The following ART3 variants were observed in gnomAD, a reference collection of about 807,000 sequenced individuals.
ART3 encodes the protein ADP-ribosyltransferase 3 (inactive), also known as ecto-ADP-ribosyltransferase 3.
In ART3, 49 loss-of-function variants were observed where a neutral mutation model predicts 48.5. The ratio of observed to expected loss-of-function variants is 1.01; its 90% CI spans 0.80 to 1.28. The LOEUF is 1.28. Ranked by LOEUF, ART3 falls within the 50% of genes most tolerant of loss-of-function variation. The pLI, the probability that ART3 is intolerant of heterozygous loss-of-function variation, is 0.00. For synonymous variants in ART3, 145 were observed against 157.2 expected, an observed-to-expected ratio of 0.92 and a Z score of 0.58; for missense variants, 438 against 454.3, an observed-to-expected ratio of 0.96 and a Z score of 0.33.
chr4:76,056,228 G>A (rs1718669002), intron 1 of ART3, among the ~76,000 whole-genome samples: 1 of 152,104 alleles, frequency 6.6e-6, no homozygotes, highest in African/African-American at 2.4e-5. Context: ...CTCATTCTAG[G>A]TCCCTTTCCT....
At chr4:76,087,574 A>G (rs139506344) in intron 3 of ART3, among the ~76,000 whole-genome samples, 3 of 152,154 alleles carry the variant, frequency 2.0e-5, no homozygotes, top group Non-Finnish European at 4.4e-5. Flanking sequence ...GGTAAAAAAA[A>G]TTTTTACTGC....
chr4:76,084,274 G>A (rs1267433864), intron 3 of ART3, among the ~76,000 whole-genome samples: 1 of 151,990 alleles, frequency 6.6e-6, no homozygotes, highest in African/African-American at 2.4e-5. Context: ...ACTCTTTCTT[G>A]GATTACTACT....
intron 1 of ART3, among the ~76,000 whole-genome samples, chr4:76,061,556 A>C (rs1466350668): frequency 1.3e-5 from 2 of 152,130 alleles, no homozygotes; most frequent in East Asian, 3.9e-4. Flanking sequence ...CCTCTACTTC[A>C]TGGTTTCCCA....
At chr4:76,057,365 G>A (rs1718792827) in intron 1 of ART3, among the ~76,000 whole-genome samples, 3 of 152,122 alleles carry the variant, frequency 2.0e-5, no homozygotes, top group African/African-American at 7.2e-5. Context: ...ATATTCCAAT[G>A]TTCCAATTGG....
At chr4:76,051,883 T>A (rs1166539665) in intron 1 of ART3, among the ~76,000 whole-genome samples, 2 of 141,100 alleles carry the variant, frequency 1.4e-5, no homozygotes, top group Non-Finnish European at 3.0e-5. Context: ...GTTTATGTTG[T>A]ATCTCTCTCT....
upstream of ART3, among the ~76,000 whole-genome samples, chr4:76,070,312 T>C (rs1342223223): frequency 1.3e-5 from 2 of 152,234 alleles, no homozygotes; most frequent in Non-Finnish European, 2.9e-5. Flanking sequence ...CCATCAGTAA[T>C]GTATGAAAGT....
rs1341160271 is a variant in ART3 at position 76,077,514 on chromosome 4, C to A, written c.69+1556C>A. ...TTATGTGAACATGTGTTTTATTTTTCTTTTTAAAAAATTTTCTAATCATAT... is the reference window on the plus strand; with the variant it reads ...TTATGTGAACATGTGTTTTATTTTTATTTTTAAAAAATTTTCTAATCATAT... On this transcript the variant is annotated intron_variant, in intron 2 of 11. Coordinates refer to ENST00000355810, the MANE Select transcript of ART3 (RefSeq NM_001130016.3). Among the ~76,000 whole-genome samples the A allele has an allele frequency of 2.0e-5, 3 of 151,974 alleles. No individual in the cohort carries two copies. The East Asian group carries it at 5.8e-4, about 29-fold the overall frequency.
At chr4:76,051,398 T>A (rs1201162339) in intron 1 of ART3, among the ~76,000 whole-genome samples, 1 of 152,192 alleles carries the variant, frequency 6.6e-6, no homozygotes, top group African/African-American at 2.4e-5. Flanking sequence ...GCAGGCTATA[T>A]TCAAGGTAGC....
chr4:76,062,624 G>C (rs1321509677), intron 1 of ART3, among the ~76,000 whole-genome samples: 4 of 142,460 alleles, frequency 2.8e-5, no homozygotes, highest in African/African-American at 7.9e-5. Context: ...GCAGTGGTGG[G>C]ATCTCGGCTC....
intron 2 of ART3, among the ~76,000 whole-genome samples, chr4:76,076,606 AT>A (rs1721138548): frequency 6.6e-6 from 1 of 152,082 alleles, no homozygotes; most frequent in African/African-American, 2.4e-5. Context: ...TGTACATAGA[AT>A]TTTTTCTTTG....
chr4:76,067,327 C>T (rs577550066), intron 1 of ART3, among the ~76,000 whole-genome samples: 18 of 152,248 alleles, frequency 1.2e-4, no homozygotes, highest in South Asian at 4.1e-4. Flanking sequence ...AGAAGATGCC[C>T]GCCAAGGGCA....
At chr4:76,046,929 G>A (rs1199476259) in intron 1 of ART3, among the ~76,000 whole-genome samples, 1 of 151,398 alleles carries the variant, frequency 6.6e-6, no homozygotes, top group East Asian at 2.0e-4. Flanking sequence ...CCAGTGTCCA[G>A]GAGGAAGGCA....
intron 3 of ART3, among the ~76,000 whole-genome samples, chr4:76,084,745 C>T (rs148678706): frequency 1.3e-5 from 2 of 152,288 alleles, no homozygotes; most frequent in African/African-American, 2.4e-5. Flanking sequence ...GACCTTACAG[C>T]ATTGCCTGTG....
intron 1 of ART3, chr4:76,034,356 A>C: frequency 2.4e-6 from 1 of 421,986 alleles, no homozygotes; most frequent in Non-Finnish European, 4.1e-6. Flanking sequence ...AAAGATCAAT[A>C]CAGACAGATG....
intron 1 of ART3, chr4:76,023,603 G>C (rs1186678075): frequency 7.4e-6 from 4 of 538,870 alleles, no homozygotes; most frequent in Non-Finnish European, 1.3e-5. Context: ...CCTGCTGGCT[G>C]TTCCTGGGGA....
chr4:76,062,362 T>G lies in ART3; in HGVS notation c.-9-13519T>G, dbSNP rs569818278. 2.1e-3 allele frequency among the ~76,000 whole-genome samples: 321 copies of G among 152,312 alleles called. 4 individuals are homozygous for G. The highest frequency in any genetic ancestry group is 3.0e-3 in the Non-Finnish European group (207 of 68,024). On this transcript the variant is annotated intron_variant, in intron 1 of 9. Transcript: ENST00000341029. ...GGGAAAAAAGTTAATAACTATTTTT[T>G]TAGGTTTATTATGAGAACTATACAG...
chr4:76,031,245 T>C (rs1733846810), intron 1 of ART3, among the ~76,000 whole-genome samples: 1 of 152,212 alleles, frequency 6.6e-6, no homozygotes, highest in Non-Finnish European at 1.5e-5. Context: ...TTCCATGGCA[T>C]GTATTACCGA....
At chr4:76,032,581 C>CTT (rs10547155) in intron 1 of ART3, among the ~76,000 whole-genome samples, 13 of 114,578 alleles carry the variant, frequency 1.1e-4, no homozygotes, top group Non-Finnish European at 1.6e-4. Flanking sequence ...AGATTCAAGT[C>CTT]TTTTTTTTTT....
chr4:76,051,884 A>ATC (rs67944546), intron 1 of ART3, among the ~76,000 whole-genome samples: 2 of 126,880 alleles, frequency 1.6e-5, no homozygotes, highest in South Asian at 2.5e-4. Flanking sequence ...TTTATGTTGT[A>ATC]TCTCTCTCTC....
Sources: allele counts gnomAD v4.1 joint callset (sites outside exome capture counted in the v4.1 genomes callset), GRCh38; gene constraint gnomAD v4.1.1; transcripts MANE v1.5; gene names NCBI Gene and HGNC (gene_info 2026-07-23, HGNC 2026-07-21).